The following UTRN variants were observed in gnomAD, a reference collection of about 807,000 sequenced individuals.
UTRN encodes the protein dystrophin-related protein 1.
In UTRN, 283 loss-of-function variants were observed where a neutral mutation model predicts 463.9. That is an observed-to-expected ratio of 0.61 (90% CI 0.55 to 0.67). UTRN has a LOEUF of 0.67. UTRN is among the 30% of genes least tolerant of loss of function. UTRN has a pLI of 0.00. For synonymous variants in UTRN, 1,442 were observed against 1,431.5 expected (o/e 1.01, Z -0.17); for missense variants, 3,922 against 4,084.3 (o/e 0.96, Z 1.08).
chr6:144,814,366 ATC>A (rs138751301), intron 65 of UTRN, among the ~76,000 whole-genome samples: 8,936 of 152,228 alleles, frequency 0.059, 860 homozygotes, highest in African/African-American at 0.2. Context: ...TGAGAGATAA[ATC>A]TCTGCTGTTT....
chr6:144,361,440 G>A (rs1178649344), intron 2 of UTRN, among the ~76,000 whole-genome samples: 1 of 152,126 alleles, frequency 6.6e-6, no homozygotes, highest in Non-Finnish European at 1.5e-5. Context: ...AATCCAGAGG[G>A]CTATGTTTGA....
chr6:144,555,440 T>TTTA (rs1799290958), intron 49 of UTRN, among the ~76,000 whole-genome samples: 1 of 152,154 alleles, frequency 6.6e-6, no homozygotes, highest in African/African-American at 2.4e-5. Context: ...ACACATTTTA[T>TTTA]TTATTTATTG....
chr6:144,528,093 A>G (rs1796723726), intron 41 of UTRN, among the ~76,000 whole-genome samples: 1 of 139,342 alleles, frequency 7.2e-6, no homozygotes, highest in Non-Finnish European at 1.5e-5. Context: ...TGGAGTTGCA[A>G]TGGCACAATC....
At chr6:144,367,930 C>T (rs750646884) in intron 2 of UTRN, among the ~76,000 whole-genome samples, 1 of 152,044 alleles carries the variant, frequency 6.6e-6, no homozygotes, top group Non-Finnish European at 1.5e-5. Context: ...TACAGGCACC[C>T]GCCACCACGC....
At chr6:144,843,223 T>A (rs993164469) in intron 73 of UTRN, among the ~76,000 whole-genome samples, 1 of 152,090 alleles carries the variant, frequency 6.6e-6, no homozygotes, top group Admixed American at 6.6e-5. Context: ...CATTTTCAAT[T>A]GTAAAAGTCA....
chr6:144,828,887 G>A (rs1265049104), intron 69 of UTRN, 32 bp downstream of exon 69: 9 of 1,605,588 alleles, frequency 5.6e-6, no homozygotes, highest in Non-Finnish European at 7.7e-6. Flanking sequence ...TGCTGCCTGG[G>A]AAGGCTAGTT....
intron 13 of UTRN, among the ~76,000 whole-genome samples, chr6:144,441,076 A>G (rs1272060373): frequency 6.6e-6 from 1 of 152,102 alleles, no homozygotes; most frequent in Non-Finnish European, 1.5e-5. Flanking sequence ...TCAAGATGAG[A>G]CTTGGATGGG....
chr6:144,598,565 C>A (rs953601464), intron 51 of UTRN, among the ~76,000 whole-genome samples: 5 of 152,188 alleles, frequency 3.3e-5, no homozygotes, highest in African/African-American at 1.2e-4. Context: ...GAAGGGGATT[C>A]TCTATGGAAT....
intron 3 of UTRN, among the ~76,000 whole-genome samples, chr6:144,418,612 T>C (rs1784565502): frequency 6.6e-6 from 1 of 151,556 alleles, no homozygotes. Flanking sequence ...GTTGCCTAGG[T>C]TGTAGTGCAG....
chr6:144,348,621 AG>A (rs1310576252), intron 2 of UTRN, among the ~76,000 whole-genome samples: 1 of 152,202 alleles, frequency 6.6e-6, no homozygotes, highest in Non-Finnish European at 1.5e-5. Flanking sequence ...GGAGAAAAAG[AG>A]TAGAAAGAGC....
At chr6:144,552,599 A>G (rs753012271) in intron 48 of UTRN, among the ~76,000 whole-genome samples, 1 of 152,008 alleles carries the variant, frequency 6.6e-6, no homozygotes, top group African/African-American at 2.4e-5. Flanking sequence ...TACACACTCT[A>G]TTTTCTCTCT....
chr6:144,664,471 C>CTTTT (rs11446896), intron 51 of UTRN, among the ~76,000 whole-genome samples: 1 of 141,264 alleles, frequency 7.1e-6, no homozygotes, highest in Non-Finnish European at 1.5e-5. Context: ...TGTTGTCTTA[C>CTTTT]TTTTTTTTTT....
In UTRN at chr6:144,438,368, AC is replaced by A. The variant is rs375825995; in HGVS notation, c.1242-376del. Among the ~76,000 whole-genome samples, 1,282 of 152,352 alleles carry A rather than the reference AC, an allele frequency of 8.4e-3. 19 individuals carry two copies. Among genetic ancestry groups the A allele is most frequent in the African/African-American group, 0.03 (1,230 of 41,570 alleles). ...AGACAGGACTATGGAGTATTGATCT[AC>A]TTTTCCATTTTGTGACTTTTATTTT... On this transcript the variant is annotated intron_variant, in intron 11 of 74. Transcript: ENST00000367545.
chr6:144,424,158 C>A, intron 6 of UTRN, 80 bp downstream of exon 6: 3 of 1,412,176 alleles, frequency 2.1e-6, no homozygotes, highest in Non-Finnish European at 3.0e-6. Context: ...CTGCCGTAAC[C>A]AAGTACCACA....
chr6:144,317,237 A>C (rs1775338422), intron 2 of UTRN, among the ~76,000 whole-genome samples: 2 of 152,204 alleles, frequency 1.3e-5, no homozygotes, highest in South Asian at 4.1e-4. Context: ...TTCTTCAGCT[A>C]CATGTGATAA....
intron 33 of UTRN, among the ~76,000 whole-genome samples, chr6:144,496,974 A>T (rs1435105105): frequency 1.3e-5 from 2 of 152,334 alleles, no homozygotes; most frequent in Non-Finnish European, 2.9e-5. Flanking sequence ...AGCCAGTGTG[A>T]GGAACATGGT....
intron 2 of UTRN, among the ~76,000 whole-genome samples, chr6:144,340,851 G>C (rs1211283032): frequency 1.3e-5 from 2 of 152,184 alleles, no homozygotes; most frequent in Non-Finnish European, 2.9e-5. Context: ...CCCCCCTATT[G>C]ATCTTTTTAG....
chr6:144,479,250 C>T (rs1057261014), intron 25 of UTRN, among the ~76,000 whole-genome samples: 4 of 151,544 alleles, frequency 2.6e-5, no homozygotes, highest in Admixed American at 2.6e-4. Flanking sequence ...TCCCAAGTAG[C>T]TGGGACTACA....
intron 2 of UTRN, among the ~76,000 whole-genome samples, chr6:144,391,312 T>C (rs1485153388): frequency 6.6e-6 from 1 of 152,164 alleles, no homozygotes; most frequent in East Asian, 1.9e-4. Flanking sequence ...GCTCAAGAGA[T>C]CCTTCCTGGA....
Sources: allele counts gnomAD v4.1 joint callset (sites outside exome capture counted in the v4.1 genomes callset), GRCh38; gene constraint gnomAD v4.1.1; transcripts MANE v1.5; gene names NCBI Gene and HGNC (gene_info 2026-07-23, HGNC 2026-07-21).